MRPL22: variants seen among roughly 807,000 people sequenced by gnomAD.
MRPL22 encodes the protein mitochondrial ribosomal protein L22, also known as large ribosomal subunit protein uL22m.
A neutral mutation model predicts 32.4 loss-of-function variants in MRPL22; 27 were observed. The observed-to-expected ratio is 0.83, with a 90% confidence interval of 0.61 to 1.15. The LOEUF (loss-of-function observed/expected upper bound fraction) is 1.15, where lower values mean the gene tolerates loss of function less well. Among genes scored for constraint, MRPL22 ranks in the 50% most tolerant of loss-of-function variants. MRPL22 has a pLI of 0.00. For synonymous variants in MRPL22, 86 were observed against 87.3 expected (o/e 0.99, Z 0.08); for missense variants, 239 against 260.2 (o/e 0.92, Z 0.56).
chr5:154,952,464 G>T (rs1037052836), intron 3 of MRPL22, among the ~76,000 whole-genome samples: 7 of 152,144 alleles, frequency 4.6e-5, no homozygotes, highest in Non-Finnish European at 1.0e-4. Flanking sequence ...TCTTATACAA[G>T]TGCCTGTGGG....
chr5:154,945,920 T>C (rs1372648555), intron 2 of MRPL22, among the ~76,000 whole-genome samples: 2 of 152,244 alleles, frequency 1.3e-5, no homozygotes, highest in Non-Finnish European at 2.9e-5. Flanking sequence ...TATTCTGTGC[T>C]TCTAAATTAA....
Position 154,950,822 on chromosome 5 carries a change from G to C in MRPL22, c.79G>C (p.Val27Leu). The change falls in exon 3 of 7, where the codon GTT becomes CTT. Residue 27 changes from valine to leucine, a missense_variant and splice_region_variant. Coordinates refer to ENST00000523037, the MANE Select transcript of MRPL22 (RefSeq NM_014180.4). ...LRSRGKLALG[V>L]LPQSYIHTSA... ...TTATAGGCTTCTTTCATTTCACAGTGTTTTACCTCAATCATATATCCACAC... is the reference window on the plus strand; with the variant it reads ...TTATAGGCTTCTTTCATTTCACAGTCTTTTACCTCAATCATATATCCACAC... 1 of 1,596,004 alleles carries C rather than the reference G, an allele frequency of 6.3e-7. No homozygotes were observed. The highest frequency in any genetic ancestry group is 1.1e-5 in the South Asian group (1 of 90,674).
chr5:154,945,795 TAATTAG>T (rs1328279718), intron 2 of MRPL22, among the ~76,000 whole-genome samples: 4 of 152,248 alleles, frequency 2.6e-5, no homozygotes, highest in Admixed American at 6.5e-5. Context: ...TGAGGACTGA[TAATTAG>T]AATTAGAATT....
chr5:154,950,663 A>G (rs1004424686), intron 2 of MRPL22, 158 bp from the exon 3 acceptor site: 1 of 653,156 alleles, frequency 1.5e-6, no homozygotes, highest in Non-Finnish European at 2.7e-6. Flanking sequence ...GTTGTGTTTA[A>G]AAGTAGTCTC....
At chr5:154,963,083 C>T (rs1413099210) in intron 6 of MRPL22, among the ~76,000 whole-genome samples, 1 of 152,158 alleles carries the variant, frequency 6.6e-6, no homozygotes, top group Non-Finnish European at 1.5e-5. Flanking sequence ...GGACTACAGG[C>T]ATGCATCACC....
At chr5:154,941,188 T>G (rs1764409212) in intron 1 of MRPL22, 29 bp from the exon 2 acceptor site, 3 of 1,614,128 alleles carry the variant, frequency 1.9e-6, no homozygotes, top group Non-Finnish European at 2.5e-6. Context: ...AGATGGAATC[T>G]GAGTTGACGG....
At chr5:154,951,488 T>C (rs1764560960) in intron 3 of MRPL22, among the ~76,000 whole-genome samples, 1 of 152,216 alleles carries the variant, frequency 6.6e-6, no homozygotes. Context: ...CTTGAAAGAT[T>C]TGTCAGTATA....
chr5:154,951,023 A>T, intron 3 of MRPL22, 85 bp downstream of exon 3: 1 of 891,844 alleles, frequency 1.1e-6, no homozygotes, highest in Non-Finnish European at 1.8e-6. Flanking sequence ...ATTCTGTGTT[A>T]AAAAAATTAT....
chr5:154,941,449 G>A (rs1176224370), intron 2 of MRPL22, among the ~76,000 whole-genome samples, 184 bp downstream of exon 2: 1 of 152,142 alleles, frequency 6.6e-6, no homozygotes, highest in African/African-American at 2.4e-5. Context: ...AAACTGTACA[G>A]GGATCAGGAT....
intron 3 of MRPL22, among the ~76,000 whole-genome samples, chr5:154,953,331 C>G (rs1764587893): frequency 7.1e-6 from 1 of 140,228 alleles, no homozygotes. Context: ...CTACTTCAGC[C>G]TGGGTGACAG....
At chr5:154,960,952 A>G (rs1764695454) in intron 6 of MRPL22, among the ~76,000 whole-genome samples, 1 of 152,242 alleles carries the variant, frequency 6.6e-6, no homozygotes, top group Non-Finnish European at 1.5e-5. Context: ...AATTCAAGAT[A>G]TGGGGAACAT....
rs148059130 is a variant in MRPL22 at position 154,950,726 on chromosome 5, A to G, written c.78-95A>G. 900 of 809,112 alleles carry G rather than the reference A, an allele frequency of 1.1e-3. 11 individuals carry two copies. The East Asian group carries it at 0.016, about 14-fold the overall frequency. 50.1% of individuals were successfully genotyped at this position (809,112 alleles called of 1,614,324 possible). A position where few individuals can be genotyped will look rare whatever the true frequency, so the allele number is the denominator to read the frequency against. ...CAGTTGTGATCCTTAAATTGTTTTC[A>G]TCAAAATGGAGCTGAAGTGGTTCAA... On this transcript the variant is annotated intron_variant, in intron 2 of 6. Coordinates refer to ENST00000523037, the MANE Select transcript of MRPL22 (RefSeq NM_014180.4).
chr5:154,949,078 A>G (rs1168934640), intron 2 of MRPL22, among the ~76,000 whole-genome samples: 2 of 152,136 alleles, frequency 1.3e-5, no homozygotes, highest in Non-Finnish European at 1.5e-5. Context: ...CTGATATGAC[A>G]AGATGTTCTG....
chr5:154,952,276 T>C (rs571302900), intron 3 of MRPL22, among the ~76,000 whole-genome samples: 1 of 152,286 alleles, frequency 6.6e-6, no homozygotes, highest in South Asian at 2.1e-4. Flanking sequence ...TTTTGTTTAG[T>C]ATCTTTAGAT....
intron 2 of MRPL22, among the ~76,000 whole-genome samples, chr5:154,941,737 C>T (rs929101133): frequency 3.3e-5 from 5 of 152,174 alleles, no homozygotes; most frequent in African/African-American, 1.2e-4. Flanking sequence ...AAATTGAAGT[C>T]CCCAAACGTA....
At chr5:154,960,503 T>C (rs1764687766) in intron 6 of MRPL22, among the ~76,000 whole-genome samples, 1 of 152,194 alleles carries the variant, frequency 6.6e-6, no homozygotes, top group South Asian at 2.1e-4. Flanking sequence ...GTTATCAAAA[T>C]GGAAGGTCTG....
chr5:154,949,482 A>G (rs1764531077), intron 2 of MRPL22, among the ~76,000 whole-genome samples: 1 of 152,232 alleles, frequency 6.6e-6, no homozygotes, highest in African/African-American at 2.4e-5. Context: ...GAATTGGGCA[A>G]GTTGATGGAA....
At chr5:154,957,024 C>T (rs1018169104) in intron 4 of MRPL22, 111 bp from the exon 5 acceptor site, 19 of 959,836 alleles carry the variant, frequency 2.0e-5, no homozygotes, top group Non-Finnish European at 3.0e-5. Context: ...TATTTGGGTT[C>T]AATTCACTGT....
intron 2 of MRPL22, among the ~76,000 whole-genome samples, chr5:154,943,691 T>A (rs1256755512): frequency 6.6e-6 from 1 of 151,694 alleles, no homozygotes; most frequent in African/African-American, 2.4e-5. Context: ...TTTTTTTTTT[T>A]AAAGACAGCG....
Sources: gnomAD v4.1 joint callset for allele counts (sites outside exome capture counted in the v4.1 genomes callset) on GRCh38, gnomAD v4.1.1 for gene constraint, MANE v1.5 for transcripts, NCBI Gene and HGNC (gene_info 2026-07-23, HGNC 2026-07-21) for gene names.